CRLF3: variants seen among roughly 807,000 people sequenced by gnomAD.
CRLF3 encodes the protein cytokine receptor like factor 3.
Under a neutral mutation model 55.0 loss-of-function variants are expected in CRLF3, and 33 were observed. The observed-to-expected ratio is 0.60, with a 90% confidence interval of 0.46 to 0.80. The LOEUF (loss-of-function observed/expected upper bound fraction) is 0.80, where lower values mean the gene tolerates loss of function less well. CRLF3 is among the 30% of genes least tolerant of loss of function. The pLI, the probability that CRLF3 is intolerant of heterozygous loss-of-function variation, is 0.00. For synonymous variants in CRLF3, 238 were observed against 196.8 expected, an observed-to-expected ratio of 1.21 and a Z score of -1.75; for missense variants, 494 against 538.4, an observed-to-expected ratio of 0.92 and a Z score of 0.82.
Position 30,803,892 on chromosome 17 carries a change from GT to G in CRLF3, c.337+8del, listed in dbSNP as rs1440755589. ...ATGCACTAATACAACAGGCTCCCTGGTCCCCCACCTTCTCGGACTAAGTCCT... is the reference window on the plus strand; with the variant it reads ...ATGCACTAATACAACAGGCTCCCTGGCCCCCACCTTCTCGGACTAAGTCCT... On this transcript the variant is annotated splice_region_variant and intron_variant, in intron 2 of 7. Transcript: ENST00000324238. The G allele has an allele frequency of 6.2e-7, 1 of 1,602,098 alleles. No homozygotes were observed. Among genetic ancestry groups the G allele is most frequent in the Admixed American group, 1.7e-5 (1 of 59,952 alleles).
intron 2 of CRLF3, among the ~76,000 whole-genome samples, chr17:30,800,805 C>T (rs2142259954): frequency 7.1e-6 from 1 of 141,740 alleles, no homozygotes; most frequent in South Asian, 2.3e-4. Context: ...GACGGAGTCT[C>T]GCTCTGTCGC....
chr17:30,787,855 G>C (rs1408811946), intron 6 of CRLF3: 1 of 152,112 alleles, frequency 6.6e-6, no homozygotes, highest in Non-Finnish European at 1.5e-5. Context: ...ACAAAAATTA[G>C]CTGGGTGTGG....
At position 30,783,883 on chromosome 17, in the gene CRLF3, CTT is replaced by C. The variant is rs1971565578; in HGVS notation, c.*302_*303del. On this transcript the variant is annotated 3_prime_UTR_variant, in exon 8 of 8. Coordinates refer to ENST00000324238, the MANE Select transcript of CRLF3 (RefSeq NM_015986.4). The stretch of plus-strand genomic sequence containing the variant: ...TAAGTTTTCCTGGTCTAATAACCAA[CTT>C]TGAGAAGTACAGTGGAAGGGTATAG... 3 of 237,072 alleles carry C rather than the reference CTT, an allele frequency of 1.3e-5. No individual in the cohort carries two copies. Among genetic ancestry groups the C allele is most frequent in the Non-Finnish European group, 2.5e-5 (3 of 122,434 alleles). 14.7% of individuals were successfully genotyped at this position (237,072 alleles called of 1,614,324 possible).
At chr17:30,815,585 C>T (rs1304493956) in intron 1 of CRLF3, among the ~76,000 whole-genome samples, 1 of 149,034 alleles carries the variant, frequency 6.7e-6, no homozygotes, top group East Asian at 2.0e-4. Flanking sequence ...ACTCTGTTGC[C>T]CAGGCTGAAG....
At chr17:30,784,523 A>G in intron 7 of CRLF3, 80 bp from the exon 8 acceptor site, 1 of 1,224,104 alleles carries the variant, frequency 8.2e-7, no homozygotes, top group Middle Eastern at 2.6e-4. Context: ...TACTGGTAAC[A>G]CAGCTCATTT....
In CRLF3 at chr17:30,796,247, A is replaced by T; in HGVS notation, c.516T>A (p.Phe172Leu). 6.2e-7 allele frequency: 1 copy of T among 1,614,012 alleles called. No homozygotes were observed. The stretch of plus-strand genomic sequence containing the variant: ...GGCGAGATGCTACTGTTCCATGCTT[A>T]AAAATGTGGTCTTTCACTATGTTAA... ...SILNIVKDHI[F>L]KHGTVASRPP... Residue 172 changes from phenylalanine to leucine, a missense_variant, in exon 4 of 8, where the codon TTT becomes TTA. By Grantham distance (22) the Phe-to-Leu change is conservative. Transcript: ENST00000324238.
At chr17:30,813,016 GT>G (rs1355894893) in intron 1 of CRLF3, among the ~76,000 whole-genome samples, 1 of 152,134 alleles carries the variant, frequency 6.6e-6, no homozygotes, top group African/African-American at 2.4e-5. Flanking sequence ...CCACAAGAGT[GT>G]TGCCAAGCAA....
chr17:30,785,781 T>TAAAAAAA (rs55664579), intron 7 of CRLF3, 138 bp downstream of exon 7: 1 of 394,884 alleles, frequency 2.5e-6, no homozygotes, highest in African/African-American at 2.9e-5. Context: ...GACTTCATAA[T>TAAAAAAA]AAAAAAAAAA....
At chr17:30,811,526 G>A (rs1430715820) in intron 1 of CRLF3, among the ~76,000 whole-genome samples, 6 of 151,560 alleles carry the variant, frequency 4.0e-5, no homozygotes, top group South Asian at 2.1e-4. Flanking sequence ...AAAGACAGCC[G>A]GGTACAGCGG....
chr17:30,815,302 T>A (rs1904761007), intron 1 of CRLF3, among the ~76,000 whole-genome samples: 1 of 151,680 alleles, frequency 6.6e-6, no homozygotes, highest in East Asian at 2.0e-4. Flanking sequence ...GCCAGGCTGG[T>A]CTCGAACTCC....
Position 30,797,319 on chromosome 17 carries a change from C to T in CRLF3, c.417G>A (p.Gln139=), listed in dbSNP as rs1182341103. Residue 139 remains glutamine, a synonymous_variant, in exon 3 of 8, where the codon CAG becomes CAA. Coordinates refer to ENST00000324238, the MANE Select transcript of CRLF3 (RefSeq NM_015986.4). ...WSFTKKASHI[Q]LDSLPEVPLL... is the part of the protein sequence containing the mutation. The stretch of plus-strand genomic sequence containing the variant: ...GGCACAAACTCTTTTACCTGTCCAA[C>T]TGAATGTGCGAGGCCTTTTTGGTAA... 16 of 1,612,378 alleles carry T rather than the reference C, an allele frequency of 9.9e-6. No individual in the cohort carries two copies. Among genetic ancestry groups the T allele is most frequent in the Non-Finnish European group, 1.3e-5 (15 of 1,178,486 alleles).
At chr17:30,793,377 G>C (rs1971854398) in intron 5 of CRLF3, 73 bp downstream of exon 5, 1 of 1,143,774 alleles carries the variant, frequency 8.7e-7, no homozygotes, top group Non-Finnish European at 1.3e-6. Context: ...TTGTCAGTGT[G>C]CTGCCCTTAG....
intron 6 of CRLF3, 114 bp from the exon 7 acceptor site, chr17:30,786,145 G>A (rs1442125392): frequency 4.6e-6 from 3 of 650,760 alleles, no homozygotes; most frequent in Non-Finnish European, 8.2e-6. Flanking sequence ...TTTCTAAATA[G>A]TACAGCAACC....
intron 4 of CRLF3, among the ~76,000 whole-genome samples, chr17:30,795,877 G>T (rs966232310): frequency 6.6e-6 from 1 of 151,978 alleles, no homozygotes; most frequent in African/African-American, 2.4e-5. Context: ...AGCGGCAGGC[G>T]GGGGAGGGCA....
chr17:30,797,517 C>T (rs8076688), intron 2 of CRLF3, 119 bp from the exon 3 acceptor site: 13,375 of 741,550 alleles, frequency 0.018, 566 homozygotes, highest in African/African-American at 0.13. Flanking sequence ...AGTGATGCCA[C>T]AGTCAAATTC....
rs541435975 is a variant in CRLF3 at position 30,794,349 on chromosome 17, A to C, written c.604-677T>G. 5.3e-5 allele frequency among the ~76,000 whole-genome samples: 8 copies of C among 152,302 alleles called. No homozygotes were observed. The East Asian group carries it at 1.5e-3, about 29-fold the overall frequency. On this transcript the variant is annotated intron_variant, in intron 4 of 7. Transcript: ENST00000324238. ...CCCCATTAATTTTTAGGGGTCCTGCATATATTCTGTATGTTAATTAGCCAC... is the reference window on the plus strand; with the variant it reads ...CCCCATTAATTTTTAGGGGTCCTGCCTATATTCTGTATGTTAATTAGCCAC...
At chr17:30,810,364 G>A (rs979860482) in intron 1 of CRLF3, among the ~76,000 whole-genome samples, 14 of 151,988 alleles carry the variant, frequency 9.2e-5, no homozygotes, top group Non-Finnish European at 1.3e-4. Flanking sequence ...TCAGGAGTTC[G>A]AGACCAGCCT....
intron 6 of CRLF3, 101 bp from the exon 7 acceptor site, chr17:30,786,132 T>C: frequency 1.4e-6 from 1 of 708,186 alleles, no homozygotes; most frequent in East Asian, 2.5e-5. Context: ...CCACAATTGT[T>C]TTTTTCTAAA....
chr17:30,793,260 T>G (rs1335843265), intron 5 of CRLF3, among the ~76,000 whole-genome samples, 190 bp downstream of exon 5: 1 of 152,104 alleles, frequency 6.6e-6, no homozygotes, highest in East Asian at 1.9e-4. Context: ...GCATTTTTTT[T>G]GGACTCTGAA....
Sources: gnomAD v4.1 joint callset for allele counts (sites outside exome capture counted in the v4.1 genomes callset) on GRCh38, gnomAD v4.1.1 for gene constraint, MANE v1.5 for transcripts, NCBI Gene and HGNC (gene_info 2026-07-23, HGNC 2026-07-21) for gene names.